NPPB: variants seen among roughly 807,000 people sequenced by gnomAD.
NPPB encodes the protein natriuretic peptides B.
NPPB carries 13 observed loss-of-function variants against 12.7 expected under a neutral mutation model. The ratio of observed to expected loss-of-function variants is 1.03; its 90% CI spans 0.67 to 1.63. NPPB has a LOEUF of 1.63. NPPB is among the 40% of genes most tolerant of loss of function. The pLI is 0.00. For synonymous variants in NPPB, 66 were observed against 74.7 expected (o/e 0.88, Z 0.60); for missense variants, 184 against 172.9 (o/e 1.06, Z -0.36).
At position 11,858,789 on chromosome 1, in the gene NPPB, G is replaced by C. The variant is rs763044821; in HGVS notation, c.45C>G (p.Leu15=). The C allele has an allele frequency of 5.6e-6, 9 of 1,614,102 alleles. No individual in the cohort carries two copies. Among genetic ancestry groups the C allele is most frequent in the Non-Finnish European group, 6.8e-6 (8 of 1,180,044 alleles). Reference sequence around the variant, plus strand: ...CTCCCAGGAAAGCCAGATGCAAGAAGAGCAGGAGCAGGAGCGCCCGGGAAG... The same window carrying C: ...CTCCCAGGAAAGCCAGATGCAAGAACAGCAGGAGCAGGAGCGCCCGGGAAG... ...TAPSRALLLL[L]FLHLAFLGGR... The change falls in exon 1 of 3, where the codon CTC becomes CTG. Residue 15 remains leucine, a synonymous_variant. Coordinates refer to ENST00000376468, the MANE Select transcript of NPPB (RefSeq NM_002521.3).
At position 11,858,935 on chromosome 1, in the gene NPPB, G is replaced by A; in HGVS notation, c.-102C>T. The A allele has an allele frequency of 1.9e-6, 3 of 1,578,530 alleles. No homozygotes were observed. Among genetic ancestry groups the A allele is most frequent in the African/African-American group, 1.3e-5 (1 of 74,352 alleles). On this transcript the variant is annotated 5_prime_UTR_variant, in exon 1 of 3. Coordinates refer to ENST00000376468, the MANE Select transcript of NPPB (RefSeq NM_002521.3). ...TTCCCACCTGCCCTCAGCCTGCGGG[G>A]TGCTCCTCCTGGCTCCTCGGGACAC...
At position 11,858,356 on chromosome 1, in the gene NPPB, T is replaced by C; in HGVS notation, c.246A>G (p.Val82=). The C allele has an allele frequency of 6.2e-7, 1 of 1,611,486 alleles. No homozygotes were observed. Among genetic ancestry groups the C allele is most frequent in the Non-Finnish European group, 8.5e-7 (1 of 1,178,440 alleles). ...RPTGVWKSRE[V]ATEGIRGHRK... ...GGTGCCCACGGATGCCCTCGGTGGCTACCTCCCGGGACTTCCAGACACCTG... is the reference window on the plus strand; with the variant it reads ...GGTGCCCACGGATGCCCTCGGTGGCCACCTCCCGGGACTTCCAGACACCTG... The change falls in exon 2 of 3, where the codon GTA becomes GTG. Residue 82 remains valine, a synonymous_variant. Coordinates refer to ENST00000376468, the MANE Select transcript of NPPB (RefSeq NM_002521.3).
At chr1:11,858,494 C>T (rs1369279486) in intron 1 of NPPB, 25 bp from the exon 2 acceptor site, 4 of 1,533,112 alleles carry the variant, frequency 2.6e-6, no homozygotes, top group African/African-American at 1.4e-5. Context: ...GGCGTCCAAG[C>T]CTCAGGGACC....
At position 11,858,798 on chromosome 1, in the gene NPPB, C is replaced by G. The variant is rs1264886426; in HGVS notation, c.36G>C (p.Leu12=). 1 of 1,614,082 alleles carries G rather than the reference C, an allele frequency of 6.2e-7. No homozygotes were observed. Among genetic ancestry groups the G allele is most frequent in the Non-Finnish European group, 8.5e-7 (1 of 1,180,048 alleles). The change falls in exon 1 of 3, where the codon CTG becomes CTC. Residue 12 remains leucine (L), a synonymous_variant. Transcript: ENST00000376468. ...DPQTAPSRAL[L]LLLFLHLAFL... is the part of the protein sequence containing the mutation. ...AAGCCAGATGCAAGAAGAGCAGGAG[C>G]AGGAGCGCCCGGGAAGGTGCTGTCT...
At position 11,858,821 on chromosome 1, in the gene NPPB, T is replaced by C. The variant is rs779385648; in HGVS notation, c.13A>G (p.Thr5Ala). 44 of 1,614,056 alleles carry C rather than the reference T, an allele frequency of 2.7e-5. No individual in the cohort carries two copies. Among genetic ancestry groups the C allele is most frequent in the Middle Eastern group, 1.6e-4 (1 of 6,082 alleles). The change falls in exon 1 of 3, where the codon ACA becomes GCA. Residue 5 changes from threonine to alanine, a missense_variant. Physicochemically the swap from Thr to Ala is moderately conservative, Grantham distance 58. Coordinates refer to ENST00000376468, the MANE Select transcript of NPPB (RefSeq NM_002521.3). The stretch of plus-strand genomic sequence containing the variant: ...AGCAGGAGCGCCCGGGAAGGTGCTG[T>C]CTGGGGATCCATGTCTCTGGAGGGA... MDPQ[T>A]APSRALLLLL...
rs201091040 is a variant in NPPB, at chr1:11,858,860, T to C, written c.-27A>G. 8 of 1,610,244 alleles carry C rather than the reference T, an allele frequency of 5.0e-6. No homozygotes were observed. In the African/African-American group the frequency reaches 6.9e-5, roughly 14 times the overall value. On this transcript the variant is annotated 5_prime_UTR_variant, in exon 1 of 3. Coordinates refer to ENST00000376468, the MANE Select transcript of NPPB (RefSeq NM_002521.3). ...TCTCTGGAGGGACTGCGGAGGCTGC[T>C]GCTGCTGCTTCTGCTGCTGCTGCTG...
chr1:11,858,182 G>A, intron 2 of NPPB, 32 bp downstream of exon 2: 2 of 1,563,400 alleles, frequency 1.3e-6, no homozygotes, highest in South Asian at 1.2e-5. Context: ...CTGGAATGGG[G>A]GAAGGCGGCC....
rs762337879 is a variant in NPPB, at chr1:11,858,388, G to C, written c.214C>G (p.Arg72Gly). ...CGGGACTTCCAGACACCTGTGGGAC[G>C]GGGGCTCTCCTGGAGGGGCTCCAGG... Reference protein sequence around the residue: ...TSLEPLQESPRPTGVWKSREV... With the variant: ...TSLEPLQESPGPTGVWKSREV... The change falls in exon 2 of 3, where the codon CGT becomes GGT. Residue 72 changes from arginine to glycine, a missense_variant. By Grantham distance (125) the Arg-to-Gly change is moderately radical. Transcript: ENST00000376468. 9 of 1,598,230 alleles carry C rather than the reference G, an allele frequency of 5.6e-6. No homozygotes were observed. The East Asian group carries it at 2.0e-4, about 36-fold the overall frequency.
Position 11,857,573 on chromosome 1 carries a change from A to G in NPPB, c.*82T>C. The G allele has an allele frequency of 1.6e-6, 2 of 1,281,444 alleles. No homozygotes were observed. The highest frequency in any genetic ancestry group is 2.3e-6 in the Non-Finnish European group (2 of 884,116). 79.4% of individuals were successfully genotyped at this position (1,281,444 alleles called of 1,614,324 possible). ...AATACATAAATACATTAAAAAAATG[A>G]GTCACTTCAAAGGCGGCCACAGGGT... is the stretch of plus-strand genomic sequence containing the variant. On this transcript the variant is annotated 3_prime_UTR_variant, in exon 3 of 3. Coordinates refer to ENST00000376468, the MANE Select transcript of NPPB (RefSeq NM_002521.3).
Position 11,858,736 on chromosome 1 carries a change from C to G in NPPB, c.98G>C (p.Gly33Ala). The change falls in exon 1 of 3, where the codon GGT (glycine) becomes GCT (alanine). Residue 33 changes from glycine (G) to alanine (A), a missense_variant. Gly to Ala is a moderately conservative substitution (Grantham distance 60). Coordinates refer to ENST00000376468, the MANE Select transcript of NPPB (RefSeq NM_002521.3). ...GGACGTTTCCAAGTCCGAGGCTGAA[C>G]CGGGGCTGCCCAGCGGGTGGGAACG... ...GGRSHPLGSPGSASDLETSGL... is the reference protein window; with the variant it reads ...GGRSHPLGSPASASDLETSGL... The G allele has an allele frequency of 6.2e-7, 1 of 1,614,192 alleles. No individual in the cohort carries two copies. Among genetic ancestry groups the G allele is most frequent in the Non-Finnish European group, 8.5e-7 (1 of 1,180,034 alleles).
At position 11,858,299 on chromosome 1, in the gene NPPB, T is replaced by C; in HGVS notation, c.303A>G (p.Pro101=). The C allele has an allele frequency of 6.2e-7, 1 of 1,614,122 alleles. No individual in the cohort carries two copies. The highest frequency in any genetic ancestry group is 1.7e-5 in the Admixed American group (1 of 60,012). ...RKMVLYTLRA[P]RSPKMVQGSG... ...ACCCTTGCACCATCTTGGGGCTTCG[T>C]GGTGCCCGCAGGGTGTAGAGGACCA... Residue 101 remains proline (P), a synonymous_variant, in exon 2 of 3, where the codon CCA becomes CCG. Coordinates refer to ENST00000376468, the MANE Select transcript of NPPB (RefSeq NM_002521.3).
In NPPB at chr1:11,858,246, C is replaced by T. The variant is rs191451400; in HGVS notation, c.356G>A (p.Arg119Gln). Reference sequence around the variant, plus strand: ...GCCCAGGCCACTGGAGGAGCTGATCCGGTCCATCTTCCTCCCAAAGCAGCC... The same window carrying T: ...GCCCAGGCCACTGGAGGAGCTGATCTGGTCCATCTTCCTCCCAAAGCAGCC... ...GSGCFGRKMDRISSSSGLGCK... is the reference protein window; with the variant it reads ...GSGCFGRKMDQISSSSGLGCK... The change falls in exon 2 of 3, where the codon CGG (arginine) becomes CAG (glutamine). Residue 119 changes from arginine (R) to glutamine (Q), a missense_variant. By Grantham distance (43) the Arg-to-Gln change is conservative (BLOSUM62 1). Transcript: ENST00000376468. 21 of 1,612,890 alleles carry T rather than the reference C, an allele frequency of 1.3e-5. No individual in the cohort carries two copies. Among genetic ancestry groups the T allele is most frequent in the Middle Eastern group, 3.3e-4 (2 of 6,060 alleles).
intron 1 of NPPB, 40 bp from the exon 2 acceptor site, chr1:11,858,509 C>G: frequency 6.5e-7 from 1 of 1,537,850 alleles, no homozygotes; most frequent in Non-Finnish European, 8.7e-7. Context: ...GGGACCCACC[C>G]CTGGGCTCAC....
At chr1:11,857,709 G>T in intron 2 of NPPB, 38 bp from the exon 3 acceptor site, 1 of 1,612,366 alleles carries the variant, frequency 6.2e-7, no homozygotes, top group Non-Finnish European at 8.5e-7. Context: ...TGGTTAGGGT[G>T]GGAGATGGAG....
chr1:11,857,736 C>T lies in NPPB; in HGVS notation c.389-65G>A, dbSNP rs941151251. The stretch of plus-strand genomic sequence containing the variant: ...GAGATGGAGGCAGGGGCTGAGCTTA[C>T]CTCATCGTGTGCCACCCACCACCCT... On this transcript the variant is annotated intron_variant, in intron 2 of 2. Coordinates refer to ENST00000376468, the MANE Select transcript of NPPB (RefSeq NM_002521.3). The T allele has an allele frequency of 1.9e-6, 3 of 1,559,326 alleles. No individual in the cohort carries two copies. The African/African-American group carries it at 4.1e-5, about 21-fold the overall frequency.
At chr1:11,857,692 G>A in intron 2 of NPPB, 21 bp from the exon 3 acceptor site, 1 of 1,613,920 alleles carries the variant, frequency 6.2e-7, no homozygotes, top group Non-Finnish European at 8.5e-7. Flanking sequence ...AAGAGAGAGG[G>A]TGATGATGGT....
At position 11,858,808 on chromosome 1, in the gene NPPB, CG is replaced by C; in HGVS notation, c.25del (p.Arg9GlyfsTer74). The C allele has an allele frequency of 6.2e-7, 1 of 1,614,150 alleles. No individual in the cohort carries two copies. Among genetic ancestry groups the C allele is most frequent in the Non-Finnish European group, 8.5e-7 (1 of 1,180,030 alleles). On this transcript the variant is annotated frameshift_variant, in exon 1 of 3. Coordinates refer to ENST00000376468, the MANE Select transcript of NPPB (RefSeq NM_002521.3). LOFTEE classifies it high-confidence loss of function. ...CAAGAAGAGCAGGAGCAGGAGCGCC[CG>C]GGAAGGTGCTGTCTGGGGATCCATG... MDPQTAPSRALLLLLFLHL... is the reference protein window; with the variant it reads MDPQTAPSXALLLLLFLHL...
rs148807468 is a variant in NPPB at position 11,858,809 on chromosome 1, G to A, written c.25C>T (p.Arg9Trp). Reference protein sequence around the residue: MDPQTAPSRALLLLLFLHL... With the variant: MDPQTAPSWALLLLLFLHL... The stretch of plus-strand genomic sequence containing the variant: ...AAGAAGAGCAGGAGCAGGAGCGCCC[G>A]GGAAGGTGCTGTCTGGGGATCCATG... The change falls in exon 1 of 3, where the codon CGG becomes TGG. Residue 9 changes from arginine to tryptophan, a missense_variant. Arg to Trp is a moderately radical substitution (Grantham distance 101, BLOSUM62 -3). Coordinates refer to ENST00000376468, the MANE Select transcript of NPPB (RefSeq NM_002521.3). 49 of 1,614,040 alleles carry A rather than the reference G, an allele frequency of 3.0e-5. No individual in the cohort carries two copies. The highest frequency in any genetic ancestry group is 1.3e-4 in the East Asian group (6 of 44,892).
In NPPB at chr1:11,858,483, G is replaced by C. The variant is rs200663878; in HGVS notation, c.133-14C>G. 6.5e-7 allele frequency: 1 copy of C among 1,532,616 alleles called. No homozygotes were observed. Among genetic ancestry groups the C allele is most frequent in the South Asian group, 1.3e-5 (1 of 77,706 alleles). 94.9% of individuals were successfully genotyped at this position (1,532,616 alleles called of 1,614,324 possible). ...GTTGCGCTGCTCCTGCAATGAATGG[G>C]GGCGTCCAAGCCTCAGGGACCCACC... On this transcript the variant is annotated splice_polypyrimidine_tract_variant and intron_variant, in intron 1 of 2. Transcript: ENST00000376468.
Sources: allele counts gnomAD v4.1 joint callset, GRCh38; gene constraint gnomAD v4.1.1; transcripts MANE v1.5; gene names NCBI Gene and HGNC (gene_info 2026-07-23, HGNC 2026-07-21).